The following F11R variants were observed in gnomAD, a reference collection of about 807,000 sequenced individuals.
F11R encodes F11 receptor, also known as junctional adhesion molecule A.
In F11R, 27 loss-of-function variants were observed where a neutral mutation model predicts 39.3. The ratio of observed to expected loss-of-function variants is 0.69; its 90% CI spans 0.51 to 0.95. F11R has a LOEUF of 0.95. Among genes scored for constraint, F11R ranks in the 40% least tolerant of loss-of-function variants. The pLI, the probability that F11R is intolerant of heterozygous loss-of-function variation, is 0.00. For synonymous variants in F11R, 131 were observed against 144.9 expected (o/e 0.90, Z 0.69); for missense variants, 335 against 372.7 (o/e 0.90, Z 0.83).
At chr1:161,006,125 G>A (rs1349961281) in intron 1 of F11R, among the ~76,000 whole-genome samples, 2 of 148,830 alleles carry the variant, frequency 1.3e-5, no homozygotes, top group East Asian at 2.1e-4. Context: ...GTAACACAGT[G>A]AGACTCCATC....
At position 160,999,895 on chromosome 1, in the gene F11R, A is replaced by C; in HGVS notation, c.675T>G (p.Asn225Lys). 2 of 1,614,180 alleles carry C rather than the reference A, an allele frequency of 1.2e-6. No homozygotes were observed. Among genetic ancestry groups the C allele is most frequent in the Non-Finnish European group, 1.7e-6 (2 of 1,180,002 alleles). Residue 225 changes from asparagine to lysine, a missense_variant, in exon 6 of 10, where the codon AAT becomes AAG. Physicochemically the swap from Asn to Lys is moderately conservative, Grantham distance 94. Coordinates refer to ENST00000368026, the MANE Select transcript of F11R (RefSeq NM_016946.6). ...TCTCACCAGCTTCCATGCGCACAGC[A>C]TTTGAAGTCATGGGTGTCCCATACC... Reference protein sequence around the residue: ...RNGYGTPMTSNAVRMEAVERN... With the variant: ...RNGYGTPMTSKAVRMEAVERN...
chr1:160,998,976 C>G, intron 9 of F11R, 67 bp downstream of exon 9: 1 of 1,613,752 alleles, frequency 6.2e-7, no homozygotes, highest in South Asian at 1.1e-5. Flanking sequence ...AACACATAAA[C>G]ATGGGCTAGA....
At position 161,021,027 on chromosome 1, in the gene F11R, A is replaced by G. The variant is rs1007498330; in HGVS notation, c.47T>C (p.Ile16Thr). 1.2e-6 allele frequency: 2 copies of G among 1,614,138 alleles called. No individual in the cohort carries two copies. Among genetic ancestry groups the G allele is most frequent in the East Asian group, 2.2e-5 (1 of 44,872 alleles). ...QVERKLLCLF[I>T]LAILLCSLAL... ...GAACTTACACAACAGGATCGCCAATATGAAGAGGCACAACAGTTTCCTCTC... is the reference window on the plus strand; with the variant it reads ...GAACTTACACAACAGGATCGCCAATGTGAAGAGGCACAACAGTTTCCTCTC... Residue 16 changes from isoleucine (I) to threonine (T), a missense_variant, in exon 1 of 10, where the codon ATA becomes ACA. By Grantham distance (89) the Ile-to-Thr change is moderately conservative (BLOSUM62 -1). Coordinates refer to ENST00000368026, the MANE Select transcript of F11R (RefSeq NM_016946.6).
intron 1 of F11R, among the ~76,000 whole-genome samples, chr1:161,009,696 G>A (rs922958804): frequency 8.5e-5 from 13 of 152,278 alleles, no homozygotes; most frequent in African/African-American, 2.6e-4. Flanking sequence ...GGCCGGGTGC[G>A]GTGGCTCACG....
rs1437915772 is a variant in F11R, at chr1:160,997,254, A to G, written c.*1617T>C. On this transcript the variant is annotated 3_prime_UTR_variant, in exon 10 of 10. Transcript: ENST00000368026. ...TTCTGAATTCCACCCCACTAAATAC[A>G]GTAGCAGTTACTACTTTAAACTACT... 2.0e-5 allele frequency: 3 copies of G among 152,368 alleles called. No individual in the cohort carries two copies. The highest frequency in any genetic ancestry group is 7.2e-5 in the African/African-American group (3 of 41,464). The allele number at this position is 152,368 out of a possible 1,614,324, so 9.4% of individuals were successfully genotyped here.
intron 5 of F11R, 66 bp from the exon 6 acceptor site, chr1:161,000,044 G>T: frequency 6.3e-7 from 1 of 1,594,458 alleles, no homozygotes; most frequent in South Asian, 1.1e-5. Context: ...AATGTCTCTT[G>T]ACCCCAGTTC....
In F11R at chr1:160,999,381, C is replaced by T. The variant is rs917866661; in HGVS notation, c.815+15G>A. 3 of 1,614,110 alleles carry T rather than the reference C, an allele frequency of 1.9e-6. No individual in the cohort carries two copies. Among genetic ancestry groups the T allele is most frequent in the South Asian group, 2.2e-5 (2 of 91,090 alleles). On this transcript the variant is annotated intron_variant, in intron 8 of 9. Transcript: ENST00000368026. ...CTCTCAAACTTGGAGAACCCCAGGA[C>T]AGCACCTCACTCACCCTTTCTTTGT... is the stretch of plus-strand genomic sequence containing the variant.
rs538400987 is a variant in F11R at position 160,999,085 on chromosome 1, C to T, written c.822G>A (p.Ser274=). The change falls in exon 9 of 10, where the codon TCG becomes TCA. Residue 274 remains serine, a synonymous_variant. Coordinates refer to ENST00000368026, the MANE Select transcript of F11R (RefSeq NM_016946.6). The part of the protein sequence containing the change: ...GHFDRTKKGT[S]SKKVIYSQPS... ...GCTGGCTGTAAATCACCTTCTTACT[C>T]GAAGTCCTGTGAACAAGCCAGAAGA... 5 of 1,614,186 alleles carry T rather than the reference C, an allele frequency of 3.1e-6. No homozygotes were observed. Among genetic ancestry groups the T allele is most frequent in the South Asian group, 2.2e-5 (2 of 91,076 alleles).
At chr1:161,017,930 C>T (rs1320754661) in intron 1 of F11R, among the ~76,000 whole-genome samples, 5 of 152,306 alleles carry the variant, frequency 3.3e-5, no homozygotes, top group African/African-American at 9.6e-5. Flanking sequence ...AGCAGTTCTG[C>T]CCTGCCCACG....
intron 1 of F11R, among the ~76,000 whole-genome samples, chr1:161,002,218 C>T (rs1317581401): frequency 6.1e-5 from 9 of 147,818 alleles, no homozygotes; most frequent in Non-Finnish European, 1.3e-4. Flanking sequence ...GCCGAGATCG[C>T]GCCACTGCCC....
rs1443945644 is a variant in F11R, at chr1:160,997,411, C to G, written c.*1460G>C. ...GGAGGTACAAGAGTAAGTACCTTCTCTCACTTGGTGGAACAGGCCAAGGAG... is the reference window on the plus strand; with the variant it reads ...GGAGGTACAAGAGTAAGTACCTTCTGTCACTTGGTGGAACAGGCCAAGGAG... On this transcript the variant is annotated 3_prime_UTR_variant, in exon 10 of 10. Transcript: ENST00000368026. The G allele has an allele frequency of 6.6e-6, 1 of 152,380 alleles. No individual in the cohort carries two copies. Among genetic ancestry groups the G allele is most frequent in the Non-Finnish European group, 1.5e-5 (1 of 68,076 alleles). The allele number at this position is 152,380 out of a possible 1,614,324, so 9.4% of individuals were successfully genotyped here.
At chr1:161,003,509 C>T (rs1384250149) in intron 1 of F11R, among the ~76,000 whole-genome samples, 2 of 152,040 alleles carry the variant, frequency 1.3e-5, no homozygotes, top group Admixed American at 6.6e-5. Flanking sequence ...GTGATCTGCC[C>T]GCTGCAGCCG....
intron 1 of F11R, among the ~76,000 whole-genome samples, chr1:161,006,371 C>G (rs779536278): frequency 4.6e-5 from 7 of 152,132 alleles, no homozygotes; most frequent in Non-Finnish European, 7.4e-5. Context: ...TGGCACCACC[C>G]AAATGAACAG....
chr1:161,018,956 T>A (rs371594005), intron 1 of F11R, among the ~76,000 whole-genome samples: 6 of 152,236 alleles, frequency 3.9e-5, no homozygotes, highest in African/African-American at 1.4e-4. Context: ...TATATGATTA[T>A]TTTAGGATTA....
chr1:160,999,731 C>T lies in F11R; in HGVS notation c.711G>A (p.Gly237=). Residue 237 remains glycine (G), a synonymous_variant, in exon 7 of 10, where the codon GGG becomes GGA. Transcript: ENST00000368026. ...TTACAAGGACGGCTGCCACGATGACCCCCACATTCCGCTCCACTGCGAGAC... is the reference window on the plus strand; with the variant it reads ...TTACAAGGACGGCTGCCACGATGACTCCCACATTCCGCTCCACTGCGAGAC... ...VRMEAVERNV[G]VIVAAVLVTL... The T allele has an allele frequency of 1.2e-6, 2 of 1,614,154 alleles. No individual in the cohort carries two copies. The highest frequency in any genetic ancestry group is 1.3e-5 in the African/African-American group (1 of 75,026).
rs188568554 is a variant in F11R at position 161,015,945 on chromosome 1, A to T, written c.64+5065T>A. On this transcript the variant is annotated intron_variant, in intron 1 of 9. Transcript: ENST00000368026. ...TAACCTATTCTAATTAAATTTTTTT[A>T]AAAAAAATCACAGTAGCTCTATCTT... 8.3e-3 allele frequency among the ~76,000 whole-genome samples: 1,259 copies of T among 152,040 alleles called. 12 individuals carry two copies. The highest frequency in any genetic ancestry group is 0.025 in the African/African-American group (1,048 of 41,448).
intron 1 of F11R, among the ~76,000 whole-genome samples, chr1:161,005,884 A>G (rs942172455): frequency 6.6e-6 from 1 of 151,998 alleles, no homozygotes; most frequent in Non-Finnish European, 1.5e-5. Context: ...ACAGCCTGTA[A>G]TCCCAGCACT....
chr1:161,008,586 T>C (rs1341049951), intron 1 of F11R, among the ~76,000 whole-genome samples: 2 of 152,236 alleles, frequency 1.3e-5, no homozygotes, highest in Non-Finnish European at 2.9e-5. Flanking sequence ...TTTGAGGCAC[T>C]GTTGTAAGCA....
rs1189433728 is a variant in F11R, at chr1:161,011,219, C to T, written c.64+9791G>A. Among the ~76,000 whole-genome samples the T allele has an allele frequency of 6.6e-5, 10 of 151,630 alleles. No homozygotes were observed. In the East Asian group the frequency reaches 1.8e-3, roughly 27 times the overall value. On this transcript the variant is annotated intron_variant, in intron 1 of 9. Coordinates refer to ENST00000368026, the MANE Select transcript of F11R (RefSeq NM_016946.6). ...AGCTAATTTTTGTACTTTTGATAGA[C>T]ACGGGGTTTCACCACATTGGCCAGG...
Sources: allele counts gnomAD v4.1 joint callset (sites outside exome capture counted in the v4.1 genomes callset), GRCh38; gene constraint gnomAD v4.1.1; transcripts MANE v1.5; gene names NCBI Gene and HGNC (gene_info 2026-07-23, HGNC 2026-07-21).